COQ10A: variants seen among roughly 807,000 people sequenced by gnomAD.
COQ10A encodes the protein coenzyme Q-binding protein COQ10 homolog A, mitochondrial.
A neutral mutation model predicts 26.1 loss-of-function variants in COQ10A; 25 were observed. The observed-to-expected ratio is 0.96, with a 90% CI of 0.70 to 1.34. COQ10A has a LOEUF of 1.34. COQ10A is among the 40% of genes most tolerant of loss of function. COQ10A has a pLI of 0.00. For missense variants in COQ10A, 312 were observed against 335.4 expected, an observed-to-expected ratio of 0.93 and a Z score of 0.54; for synonymous variants, 132 against 124.0, an observed-to-expected ratio of 1.06 and a Z score of -0.43.
chr12:56,269,323 C>A, intron 3 of COQ10A, 72 bp downstream of exon 3: 1 of 1,542,190 alleles, frequency 6.5e-7, no homozygotes, highest in Non-Finnish European at 8.9e-7. Flanking sequence ...GCTATTTTGG[C>A]CTTCCTTGTA....
At position 56,270,440 on chromosome 12, in the gene COQ10A, C is replaced by CA. The variant is rs1412774084; in HGVS notation, c.*125dup. On this transcript the variant is annotated 3_prime_UTR_variant, in exon 5 of 5. Coordinates refer to ENST00000308197, the MANE Select transcript of COQ10A (RefSeq NM_144576.4). ...GTGTTCATAATACTGTTTCTCCTCT[C>CA]AATTTCCCAGAAATTGGGTTCTATG... 62 of 1,049,840 alleles carry CA rather than the reference C, an allele frequency of 5.9e-5. No individual in the cohort carries two copies. The South Asian group carries it at 9.7e-4, about 16-fold the overall frequency. The allele number at this position is 1,049,840 out of a possible 1,614,324, so 65.0% of individuals were successfully genotyped here.
intron 2 of COQ10A, 156 bp downstream of exon 2, chr12:56,268,096 C>T: frequency 1.1e-6 from 1 of 914,430 alleles, no homozygotes; most frequent in Non-Finnish European, 1.7e-6. Context: ...CCCTGCCACT[C>T]TTCCGACCTT....
At chr12:56,268,784 G>A (rs893180416) in intron 2 of COQ10A, 33 of 364,130 alleles carry the variant, frequency 9.1e-5, no homozygotes, top group African/African-American at 6.2e-4. Context: ...GTGATCACCA[G>A]TAAAACTGAC....
chr12:56,267,326 A>G (rs963585949), intron 1 of COQ10A, 74 bp downstream of exon 1: 56 of 1,612,874 alleles, frequency 3.5e-5, no homozygotes, highest in Middle Eastern at 1.6e-4. Context: ...GAGGGGTGCT[A>G]TACTGGGATG....
intron 1 of COQ10A, chr12:56,267,519 C>G (rs1213889411): frequency 6.5e-7 from 1 of 1,532,680 alleles, no homozygotes; most frequent in Non-Finnish European, 9.0e-7. Flanking sequence ...TAGCTTTCAG[C>G]AGTAGTGTAG....
At position 56,270,584 on chromosome 12, in the gene COQ10A, G is replaced by C. The variant is rs1471251041; in HGVS notation, c.*267G>C. On this transcript the variant is annotated 3_prime_UTR_variant, in exon 5 of 5. Transcript: ENST00000308197. ...CCTGCAGCCTTTTCACTACGAATTA[G>C]AATAAGGACTATGTGGTTGTCTCTG... is the stretch of plus-strand genomic sequence containing the variant. 1 of 401,690 alleles carries C rather than the reference G, an allele frequency of 2.5e-6. No individual in the cohort carries two copies. Among genetic ancestry groups the C allele is most frequent in the Non-Finnish European group, 4.5e-6 (1 of 221,816 alleles). The allele number at this position is 401,690 out of a possible 1,614,324, so 24.9% of individuals were successfully genotyped here.
chr12:56,266,997 C>G lies in COQ10A; in HGVS notation c.-122C>G. The G allele has an allele frequency of 9.6e-7, 1 of 1,044,230 alleles. No individual in the cohort carries two copies. The highest frequency in any genetic ancestry group is 1.2e-6 in the Non-Finnish European group (1 of 829,050). 64.7% of individuals were successfully genotyped at this position (1,044,230 alleles called of 1,614,324 possible). On this transcript the variant is annotated 5_prime_UTR_variant, in exon 1 of 5. Coordinates refer to ENST00000308197, the MANE Select transcript of COQ10A (RefSeq NM_144576.4). ...AGCAAGGCGAGAGGTGCTGCCGCCT[C>G]CCGTCGCCCCTGCGCTCAGAGGTCC...
rs759310240 is a variant in COQ10A at position 56,267,228 on chromosome 12, C to T, written c.110C>T (p.Pro37Leu). ...GCGCAACCGGCCCCGCCCCCAGGCC[C>T]TCTGCCACCGCCGCGACCAATGAGG... ...PGAQPAPPPG[P>L]LPPPRPMRFL... Residue 37 changes from proline (P) to leucine (L), a missense_variant, in exon 1 of 5, where the codon CCT becomes CTT. Coordinates refer to ENST00000308197, the MANE Select transcript of COQ10A (RefSeq NM_144576.4). 3.0e-5 allele frequency: 44 copies of T among 1,468,888 alleles called. No homozygotes were observed. Among genetic ancestry groups the T allele is most frequent in the South Asian group, 2.4e-4 (17 of 72,086 alleles). 91.0% of individuals were successfully genotyped at this position (1,468,888 alleles called of 1,614,324 possible).
Position 56,267,157 on chromosome 12 carries a change from G to A in COQ10A, c.39G>A (p.Thr13=). The A allele has an allele frequency of 2.2e-6, 3 of 1,339,496 alleles. No homozygotes were observed. Among genetic ancestry groups the A allele is most frequent in the South Asian group, 1.9e-5 (1 of 51,944 alleles). 83.0% of individuals were successfully genotyped at this position (1,339,496 alleles called of 1,614,324 possible). ...WAGSRRVPAG[T]RAAAERCCRL... ...GCTCGCGGCGGGTCCCAGCTGGGAC[G>A]CGCGCGGCAGCCGAGCGCTGCTGCC... Residue 13 remains threonine, a synonymous_variant, in exon 1 of 5, where the codon ACG becomes ACA. Coordinates refer to ENST00000308197, the MANE Select transcript of COQ10A (RefSeq NM_144576.4).
Position 56,269,461 on chromosome 12 carries a change from C to G in COQ10A, c.476C>G (p.Ala159Gly), listed in dbSNP as rs775780746. 1 of 1,612,092 alleles carries G rather than the reference C, an allele frequency of 6.2e-7. No individual in the cohort carries two copies. The highest frequency in any genetic ancestry group is 1.1e-5 in the South Asian group (1 of 91,042). ...AACTACCTGATTACCCTATTCTAGG[C>G]TGTTTGTACTGATGGCAAGCTCTTC... ...VSMVKPHMVK[A>G]VCTDGKLFNH... Residue 159 changes from alanine to glycine, a missense_variant and splice_region_variant, in exon 4 of 5, where the codon GCT becomes GGT. Coordinates refer to ENST00000308197, the MANE Select transcript of COQ10A (RefSeq NM_144576.4).
At chr12:56,267,596 G>T in intron 1 of COQ10A, 198 bp from the exon 2 acceptor site, 1 of 1,157,524 alleles carries the variant, frequency 8.6e-7, no homozygotes, top group Non-Finnish European at 1.3e-6. Flanking sequence ...CCCGCCCCCA[G>T]CCCTGTCCTT....
Position 56,269,138 on chromosome 12 carries a change from C to G in COQ10A, c.361C>G (p.Leu121Val). The part of the protein sequence containing the change: ...REFVPWCKKS[L>V]VVSSRKGHLK... ...GTTTGTGCCCTGGTGTAAGAAGTCT[C>G]TGGTGGTATCCAGCCGTAAGGGTCA... Residue 121 changes from leucine (L) to valine (V), a missense_variant, in exon 3 of 5, where the codon CTG becomes GTG. Leu to Val is a conservative substitution (Grantham distance 32). Coordinates refer to ENST00000308197, the MANE Select transcript of COQ10A (RefSeq NM_144576.4). 6.2e-7 allele frequency: 1 copy of G among 1,614,110 alleles called. No individual in the cohort carries two copies. Among genetic ancestry groups the G allele is most frequent in the Non-Finnish European group, 8.5e-7 (1 of 1,180,026 alleles).
At position 56,267,890 on chromosome 12, in the gene COQ10A, T is replaced by A. The variant is rs771749866; in HGVS notation, c.231T>A (p.Ala77=). ...LPSSRSFMGF[A]APFTNKRKAY... is the part of the protein sequence containing the mutation. Reference sequence around the variant, plus strand: ...CGAGCCGTTCCTTCATGGGATTTGCTGCTCCCTTCACCAACAAGCGAAAGG... The same window carrying A: ...CGAGCCGTTCCTTCATGGGATTTGCAGCTCCCTTCACCAACAAGCGAAAGG... The change falls in exon 2 of 5, where the codon GCT becomes GCA. Residue 77 remains alanine (A), a synonymous_variant. Transcript: ENST00000308197. 1 of 1,614,208 alleles carries A rather than the reference T, an allele frequency of 6.2e-7. No homozygotes were observed. The highest frequency in any genetic ancestry group is 8.5e-7 in the Non-Finnish European group (1 of 1,180,030).
At chr12:56,267,610 T>C in intron 1 of COQ10A, 184 bp from the exon 2 acceptor site, 1 of 1,150,288 alleles carries the variant, frequency 8.7e-7, no homozygotes, top group East Asian at 2.3e-5. Flanking sequence ...TGTCCTTAGC[T>C]GCCCTCGACC....
At chr12:56,268,028 G>A (rs914866542) in intron 2 of COQ10A, 88 bp downstream of exon 2, 2 of 1,521,500 alleles carry the variant, frequency 1.3e-6, no homozygotes, top group African/African-American at 2.7e-5. Context: ...ATCATCGGTG[G>A]GCAAGATTCA....
intron 4 of COQ10A, among the ~76,000 whole-genome samples, 170 bp downstream of exon 4, chr12:56,269,731 G>A (rs1315983698): frequency 5.3e-5 from 8 of 152,212 alleles, no homozygotes; most frequent in South Asian, 2.1e-4. Context: ...GGGTTCAAGC[G>A]ATTTTCCTGC....
At chr12:56,269,711 TC>T in intron 4 of COQ10A, 150 bp downstream of exon 4, 1 of 664,074 alleles carries the variant, frequency 1.5e-6, no homozygotes, top group Non-Finnish European at 2.7e-6. Flanking sequence ...CACTGCAACC[TC>T]CACCTTCTGG....
At chr12:56,269,911 G>A in intron 4 of COQ10A, 1 of 555,242 alleles carries the variant, frequency 1.8e-6, no homozygotes, top group Non-Finnish European at 3.2e-6. Context: ...ACAGGCGTGA[G>A]CCACCGCACC....
chr12:56,270,220 A>G lies in COQ10A; in HGVS notation c.647A>G (p.Gln216Arg). Residue 216 changes from glutamine to arginine, a missense_variant, in exon 5 of 5, where the codon CAG (glutamine) becomes CGG (arginine). Physicochemically the swap from Gln to Arg is conservative, Grantham distance 43. Transcript: ENST00000308197. ...ATMFFDEVVK[Q>R]NVAAFERRAA... is the part of the protein sequence containing the mutation. ...ATGTTTTTTGATGAGGTTGTCAAAC[A>G]GAATGTTGCTGCCTTTGAGCGTCGG... 6.2e-7 allele frequency: 1 copy of G among 1,614,132 alleles called. No individual in the cohort carries two copies. The highest frequency in any genetic ancestry group is 8.5e-7 in the Non-Finnish European group (1 of 1,180,026).
Sources: gnomAD v4.1 joint callset for allele counts (sites outside exome capture counted in the v4.1 genomes callset) on GRCh38, gnomAD v4.1.1 for gene constraint, MANE v1.5 for transcripts, NCBI Gene and HGNC (gene_info 2026-07-23, HGNC 2026-07-21) for gene names.